PWWP2A: variants seen among roughly 807,000 people sequenced by gnomAD.
PWWP2A encodes PWWP domain-containing protein 2A.
In PWWP2A, 18 loss-of-function variants were observed where a neutral mutation model predicts 48.5. The ratio of observed to expected loss-of-function variants is 0.37; its 90% CI spans 0.26 to 0.55. The LOEUF (loss-of-function observed/expected upper bound fraction) is 0.55, where lower values mean the gene tolerates loss of function less well. PWWP2A is among the 20% of genes least tolerant of loss of function. The pLI, the probability that PWWP2A is intolerant of heterozygous loss-of-function variation, is 0.81. For synonymous variants in PWWP2A, 396 were observed against 387.7 expected (o/e 1.02, Z -0.25); for missense variants, 867 against 976.4 (o/e 0.89, Z 1.49).
chr5:160,112,804 A>T (rs1207306724), intron 1 of PWWP2A, among the ~76,000 whole-genome samples: 1 of 152,200 alleles, frequency 6.6e-6, no homozygotes, highest in Non-Finnish European at 1.5e-5. Context: ...GAGCTTAGTA[A>T]GGCACAATGA....
At chr5:160,045,512 ACATACACACTCTCTCTCT>A in the PWWP2A span, among the ~76,000 whole-genome samples, 16 of 42,838 alleles carry the variant, frequency 3.7e-4, 1 homozygote, top group African/African-American at 1.8e-3. Context: ...ACACACACAC[ACATACACACTCTCTCTCT>A]CTCTCTCTCT....
In PWWP2A at chr5:160,078,190, G is replaced by A; in HGVS notation, c.1670-22C>T. ...TGTGCTGAAATATAGTAAAGAAAAG[G>A]AAGAAAATGTCGTTAAGCACAAGTA... On this transcript the variant is annotated intron_variant, in intron 3 of 3. Coordinates refer to the PWWP2A transcript ENST00000456329. This position sits in a 1 kb window ranked among gnomAD's most constrained non-coding sequence, Gnocchi z 4.2. The A allele has an allele frequency of 2.6e-6, 4 of 1,542,380 alleles. No individual in the cohort carries two copies. The highest frequency in any genetic ancestry group is 1.8e-6 in the Non-Finnish European group (2 of 1,137,736).
chr5:160,117,605 C>T (rs1238651535), intron 1 of PWWP2A, among the ~76,000 whole-genome samples: 1 of 150,934 alleles, frequency 6.6e-6, no homozygotes, highest in African/African-American at 2.4e-5. Flanking sequence ...TGCAGTGAGA[C>T]GATATGGCGC....
Position 160,119,061 on chromosome 5 carries a change from C to T in PWWP2A, c.328G>A (p.Gly110Arg), listed in dbSNP as rs761469528. 1.3e-5 allele frequency: 21 copies of T among 1,591,050 alleles called. No individual in the cohort carries two copies. The Admixed American group carries it at 2.9e-4, about 22-fold the overall frequency. ...GCAGGAGAAGGTGGAAGTTCCGGCCCTCCCTGAGGCGCGGCTGCCGCCGAC... is the reference window on the plus strand; with the variant it reads ...GCAGGAGAAGGTGGAAGTTCCGGCCTTCCCTGAGGCGCGGCTGCCGCCGAC... ...AESAAAAPQG[G>R]PELPPSPASP... Residue 110 changes from glycine (G) to arginine (R), a missense_variant, in exon 1 of 2, where the codon GGG becomes AGG. Physicochemically the swap from Gly to Arg is moderately radical, Grantham distance 125 (BLOSUM62 -2). This residue lies in a region of PWWP2A where 385 missense variants were observed against 396.9 expected (regional missense o/e 0.97). Coordinates refer to ENST00000307063, the MANE Select transcript of PWWP2A (RefSeq NM_001130864.2).
intron 1 of PWWP2A, among the ~76,000 whole-genome samples, chr5:160,101,196 C>T (rs903471476): frequency 6.6e-6 from 1 of 152,032 alleles, no homozygotes; most frequent in African/African-American, 2.4e-5. Context: ...ACTAAAAATA[C>T]AAAAATTAGT....
the PWWP2A span, among the ~76,000 whole-genome samples, chr5:160,045,500 A>G: frequency 2.0e-5 from 2 of 101,740 alleles, no homozygotes; most frequent in African/African-American, 3.8e-5. Flanking sequence ...ACACACACAC[A>G]CACACACACA....
downstream of PWWP2A, among the ~76,000 whole-genome samples, chr5:160,072,266 C>T (rs1753755555): frequency 6.6e-6 from 1 of 152,178 alleles, no homozygotes; most frequent in Non-Finnish European, 1.5e-5. Flanking sequence ...AAATTGATTA[C>T]TGTGCTTGCT....
the PWWP2A span, among the ~76,000 whole-genome samples, chr5:160,048,421 C>T: frequency 2.6e-4 from 40 of 152,196 alleles, no homozygotes; most frequent in African/African-American, 9.6e-4. Flanking sequence ...TCCCAAAGTG[C>T]TGGGATTATG....
chr5:160,087,379 CAA>C (rs527692100), downstream of PWWP2A, among the ~76,000 whole-genome samples: 63 of 90,422 alleles, frequency 7.0e-4, no homozygotes, highest in Admixed American at 1.0e-3. Flanking sequence ...GACCCTATCT[CAA>C]AAAAAAAAAA....
At chr5:160,096,054 T>C (rs1033124277) in intron 1 of PWWP2A, among the ~76,000 whole-genome samples, 3 of 152,104 alleles carry the variant, frequency 2.0e-5, no homozygotes, top group African/African-American at 7.2e-5. Flanking sequence ...TGATATTAGG[T>C]ACTAACAGCT....
At chr5:160,061,505 A>G (rs1416731315), downstream of PWWP2A, among the ~76,000 whole-genome samples, 1 of 152,208 alleles carries the variant, frequency 6.6e-6, no homozygotes, top group Non-Finnish European at 1.5e-5. Flanking sequence ...ACACACATGT[A>G]ATTAGTACAT....
At chr5:160,088,156 G>A (rs749394780), downstream of PWWP2A, among the ~76,000 whole-genome samples, 2 of 152,150 alleles carry the variant, frequency 1.3e-5, no homozygotes, top group African/African-American at 4.8e-5. Context: ...ATGCACACTC[G>A]CCATTTTATT....
chr5:160,064,846 T>C (rs1463223464), intron 4 of PWWP2A: 10 of 1,363,858 alleles, frequency 7.3e-6, no homozygotes, highest in Non-Finnish European at 1.0e-5. Flanking sequence ...TTATATTTTG[T>C]ACTCAGTGGT....
chr5:160,103,812 G>GAATAACCAGTCTCTT (rs1756556838), intron 1 of PWWP2A, among the ~76,000 whole-genome samples: 1 of 152,084 alleles, frequency 6.6e-6, no homozygotes. Flanking sequence ...GATAGACGGA[G>GAATAACCAGTCTCTT]AATAACCAGT....
the PWWP2A span, among the ~76,000 whole-genome samples, chr5:160,044,536 T>G: frequency 6.6e-6 from 1 of 152,222 alleles, no homozygotes; most frequent in Non-Finnish European, 1.5e-5. Flanking sequence ...GGGTAACTTC[T>G]GAATGTTGCC....
At chr5:160,058,779 A>G (rs1757617459), downstream of PWWP2A, among the ~76,000 whole-genome samples, 1 of 152,196 alleles carries the variant, frequency 6.6e-6, no homozygotes, top group Non-Finnish European at 1.5e-5. Flanking sequence ...GGGCTGTAAA[A>G]TGGATGTTGT....
Position 160,077,949 on chromosome 5 carries a change from T to C in PWWP2A, c.*206A>G. 1 of 501,534 alleles carries C rather than the reference T, an allele frequency of 2.0e-6. No homozygotes were observed. The highest frequency in any genetic ancestry group is 3.6e-6 in the Non-Finnish European group (1 of 279,796). The allele number at this position is 501,534 out of a possible 1,614,324, so 31.1% of individuals were successfully genotyped here. A position where few individuals can be genotyped will look rare whatever the true frequency, so the allele number is the denominator to read the frequency against. Reference sequence around the variant, plus strand: ...CATCTCATGCATAATTTATTGCAAGTTTATTTTTTATAAAATATTCCCTAA... The same window carrying C: ...CATCTCATGCATAATTTATTGCAAGCTTATTTTTTATAAAATATTCCCTAA... On this transcript the variant is annotated 3_prime_UTR_variant, in exon 4 of 4. Coordinates refer to the PWWP2A transcript ENST00000456329. This position sits in a 1 kb window ranked among gnomAD's most constrained non-coding sequence, Gnocchi z 4.2.
At chr5:160,116,566 G>A (rs1419409397) in intron 1 of PWWP2A, 1 of 530,510 alleles carries the variant, frequency 1.9e-6, no homozygotes, top group Non-Finnish European at 2.4e-6. Flanking sequence ...AGAAATTGCT[G>A]TTTCTAAGCA....
the PWWP2A span, among the ~76,000 whole-genome samples, chr5:160,045,241 C>G: frequency 4.6e-5 from 7 of 151,834 alleles, no homozygotes; most frequent in African/African-American, 7.3e-5. Flanking sequence ...AGCTGCAGCC[C>G]GAAGTGTAGG....
Sources: allele counts gnomAD v4.1 joint callset (sites outside exome capture counted in the v4.1 genomes callset), GRCh38; gene constraint gnomAD v4.1.1; regional missense constraint gnomAD v4.1.1; non-coding constraint Gnocchi (gnomAD v3.1); transcripts MANE v1.5; gene names NCBI Gene and HGNC (gene_info 2026-07-23, HGNC 2026-07-21).